Variants in SULF2 observed in about 807,000 individuals in gnomAD.
SULF2 encodes sulfatase 2.
Under a neutral mutation model 107.7 loss-of-function variants are expected in SULF2, and 52 were observed. That is an observed-to-expected ratio of 0.48 (90% confidence interval 0.39 to 0.61). The LOEUF (loss-of-function observed/expected upper bound fraction) is 0.61. SULF2 is among the 20% of genes least tolerant of loss of function. The probability of loss-of-function intolerance (pLI) is 0.00; values close to 1 mark genes in which losing one functional copy is unlikely to be tolerated. For synonymous variants in SULF2, 460 were observed against 464.3 expected (o/e 0.99, Z 0.12); for missense variants, 993 against 1,177.3 (o/e 0.84, Z 2.29).
intron 1 of SULF2, among the ~76,000 whole-genome samples, chr20:47,770,783 G>A (rs934571905): frequency 2.0e-5 from 3 of 152,110 alleles, no homozygotes; most frequent in Admixed American, 2.0e-4. Context: ...GCTGCGGAGT[G>A]GGCACCTCCA....
At chr20:47,737,077 G>A (rs2089752688) in intron 2 of SULF2, 135 bp from the exon 3 acceptor site, 3 of 1,297,406 alleles carry the variant, frequency 2.3e-6, no homozygotes, top group Admixed American at 4.1e-5. Flanking sequence ...ACGGGGCAGG[G>A]GCCACTGCTG....
rs555837650 is a variant in SULF2 at position 47,749,179 on chromosome 20, G to A, written c.175+8010C>T. ...GAACAGAAAGGCAGAGAAGGAGCTT[G>A]GGTCCCTGATAACCTTGAAGCCACC... is the stretch of plus-strand genomic sequence containing the variant. On this transcript the variant is annotated intron_variant, in intron 2 of 20. Coordinates refer to ENST00000688720, the MANE Select transcript of SULF2 (RefSeq NM_001387048.1). 5.9e-5 allele frequency among the ~76,000 whole-genome samples: 9 copies of A among 152,298 alleles called. No individual in the cohort carries two copies. The East Asian group carries it at 1.7e-3, about 29-fold the overall frequency.
chr20:47,772,291 G>T (rs1230599921), intron 1 of SULF2, among the ~76,000 whole-genome samples: 1 of 152,218 alleles, frequency 6.6e-6, no homozygotes, highest in East Asian at 1.9e-4. Context: ...GTATCACAGG[G>T]TGTTCACAGG....
rs145536667 is a variant in SULF2 at position 47,759,407 on chromosome 20, C to T, written c.-100-1944G>A. On this transcript the variant is annotated intron_variant, in intron 1 of 20. Coordinates refer to ENST00000688720, the MANE Select transcript of SULF2 (RefSeq NM_001387048.1). ...CACCTGCTCTTTTAAAAATAACTCC[C>T]GCAGCTGTGCGCAGTGGCTCACATC... 4.6e-5 allele frequency among the ~76,000 whole-genome samples: 7 copies of T among 152,246 alleles called. No homozygotes were observed. In the East Asian group the frequency reaches 7.7e-4, roughly 17 times the overall value.
rs975030963 is a variant in SULF2 at position 47,666,462 on chromosome 20, G to A, written c.1603C>T (p.Arg535Cys). The A allele has an allele frequency of 4.3e-6, 7 of 1,613,540 alleles. No homozygotes were observed. Among genetic ancestry groups the A allele is most frequent in the Non-Finnish European group, 5.9e-6 (7 of 1,180,026 alleles). Residue 535 changes from arginine to cysteine, a missense_variant, in exon 12 of 21, where the codon CGC (arginine) becomes TGC (cysteine). By Grantham distance (180) the Arg-to-Cys change is radical. Coordinates refer to ENST00000688720, the MANE Select transcript of SULF2 (RefSeq NM_001387048.1). The surrounding 1 kb of genome is among the most constrained non-coding windows in gnomAD (Gnocchi z 5.4). The part of the protein sequence containing the change: ...KKYKASYVRS[R>C]SIRSVAIEVD... ...TCGATGGCCACTGAGCGGATGGAGC[G>A]ACTGCGGACATAGCTGGCCTTGTAC...
At chr20:47,725,904 G>A (rs1295364440) in intron 3 of SULF2, among the ~76,000 whole-genome samples, 4 of 152,208 alleles carry the variant, frequency 2.6e-5, no homozygotes, top group African/African-American at 9.7e-5. Context: ...CAAAGGACTC[G>A]CTGTGTGGGC....
intron 2 of SULF2, among the ~76,000 whole-genome samples, chr20:47,753,487 C>T (rs1056991206): frequency 2.6e-5 from 4 of 152,254 alleles, no homozygotes; most frequent in Admixed American, 6.5e-5. Flanking sequence ...ACAGTAGAGA[C>T]ACACTGGCTT....
intron 3 of SULF2, among the ~76,000 whole-genome samples, chr20:47,717,989 T>C (rs7273009): frequency 0.1 from 15,695 of 152,048 alleles, 820 homozygotes; most frequent in Middle Eastern, 0.18. Context: ...AGCTAATTTT[T>C]TGTATTTTTA....
chr20:47,734,051 A>C (rs1469272899), intron 3 of SULF2, among the ~76,000 whole-genome samples: 2 of 152,206 alleles, frequency 1.3e-5, no homozygotes, highest in African/African-American at 4.8e-5. Flanking sequence ...ACAGTAAAAT[A>C]ACTTTCATCT....
At position 47,694,336 on chromosome 20, in the gene SULF2, T is replaced by G. The variant is rs2088303411; in HGVS notation, c.568-4041A>C. Among the ~76,000 whole-genome samples, 1 of 151,878 alleles carries G rather than the reference T, an allele frequency of 6.6e-6. No individual in the cohort carries two copies. Among genetic ancestry groups the G allele is most frequent in the Admixed American group, 6.5e-5 (1 of 15,274 alleles). On this transcript the variant is annotated intron_variant, in intron 4 of 20. Transcript: ENST00000688720. The surrounding 1 kb of genome is among the most constrained non-coding windows in gnomAD (Gnocchi z 4.4). The stretch of plus-strand genomic sequence containing the variant: ...GACCCCCACCCCTGTTGGTCTCTGG[T>G]TTGGGCAGTTGAGGGAAGGGTAGAG...
chr20:47,677,641 TG>T, intron 8 of SULF2, among the ~76,000 whole-genome samples: 1 of 152,306 alleles, frequency 6.6e-6, no homozygotes, highest in East Asian at 1.9e-4. Flanking sequence ...TTTTCTTCTT[TG>T]GTGCTTTGCA....
At chr20:47,674,417 G>C (rs1192546011) in intron 10 of SULF2, among the ~76,000 whole-genome samples, 2 of 152,236 alleles carry the variant, frequency 1.3e-5, no homozygotes, top group African/African-American at 4.8e-5. Context: ...TGAGCCCTGG[G>C]CCTCAGTTTC....
intron 2 of SULF2, among the ~76,000 whole-genome samples, chr20:47,742,929 T>C (rs1017477461): frequency 3.3e-4 from 2 of 6,090 alleles, no homozygotes; most frequent in African/African-American, 4.9e-3. Context: ...AAAACATGAT[T>C]TTTTTTTTTT....
At chr20:47,675,217 A>C (rs1376257805) in intron 10 of SULF2, among the ~76,000 whole-genome samples, 2 of 152,110 alleles carry the variant, frequency 1.3e-5, no homozygotes, top group Admixed American at 1.3e-4. Flanking sequence ...CCAGAACTAA[A>C]ATCAGAACCA....
chr20:47,658,489 G>A, intron 20 of SULF2, 97 bp from the exon 21 acceptor site: 1 of 1,291,590 alleles, frequency 7.7e-7, no homozygotes, highest in East Asian at 2.3e-5. Context: ...TTGCTTCAAG[G>A]CTGCTGAGAA....
intron 1 of SULF2, among the ~76,000 whole-genome samples, chr20:47,764,256 A>G (rs187974138): frequency 5.9e-5 from 9 of 152,338 alleles, no homozygotes; most frequent in Admixed American, 5.2e-4. Context: ...GATGTCCTCC[A>G]GCAGAATATC....
At chr20:47,729,989 G>A (rs2146747556) in intron 3 of SULF2, among the ~76,000 whole-genome samples, 1 of 152,366 alleles carries the variant, frequency 6.6e-6, no homozygotes, top group South Asian at 2.1e-4. Context: ...TGTGTGAGAG[G>A]GCGATGGGGT....
chr20:47,752,848 T>C lies in SULF2; in HGVS notation c.175+4341A>G, dbSNP rs189269508. Among the ~76,000 whole-genome samples the C allele has an allele frequency of 7.5e-3, 1,136 of 152,168 alleles. 12 individuals carry two copies. The highest frequency in any genetic ancestry group is 0.026 in the African/African-American group (1,088 of 41,520). ...CAGGTGTGGTGGCTCACGCCTGCGA[T>C]CCCAGCATTTTGGGAGGCCGAGGCG... On this transcript the variant is annotated intron_variant, in intron 2 of 20. Transcript: ENST00000688720.
intron 3 of SULF2, among the ~76,000 whole-genome samples, chr20:47,717,420 C>T (rs1243994048): frequency 6.6e-6 from 1 of 152,196 alleles, no homozygotes; most frequent in Non-Finnish European, 1.5e-5. Flanking sequence ...TTCAGCCTCT[C>T]AGCAGGACTC....
Sources: allele counts gnomAD v4.1 joint callset (sites outside exome capture counted in the v4.1 genomes callset), GRCh38; gene constraint gnomAD v4.1.1; non-coding constraint Gnocchi (gnomAD v3.1); transcripts MANE v1.5; gene names NCBI Gene and HGNC (gene_info 2026-07-23, HGNC 2026-07-21).